Variants in UNC79 observed in about 807,000 individuals in gnomAD.
The protein encoded by UNC79 is unc-79 subunit of NALCN channel complex.
UNC79 carries 37 observed loss-of-function variants against 283.1 expected under a neutral mutation model. That is an observed-to-expected ratio of 0.13 (90% CI 0.10 to 0.17). The LOEUF (loss-of-function observed/expected upper bound fraction) is 0.17, where lower values mean the gene tolerates loss of function less well. Among genes scored for constraint, UNC79 ranks in the 10% least tolerant of loss-of-function variants. The pLI is 1.00. For synonymous variants in UNC79, 1,107 were observed against 1,200.2 expected, an observed-to-expected ratio of 0.92 and a Z score of 1.61; for missense variants, 2,272 against 3,211.1, an observed-to-expected ratio of 0.71 and a Z score of 7.07.
chr14:93,336,045 C>T (rs964016388), intron 1 of UNC79, among the ~76,000 whole-genome samples: 2 of 152,190 alleles, frequency 1.3e-5, no homozygotes, highest in East Asian at 3.9e-4. Context: ...ATTCCATGGT[C>T]TGTCACTCCA....
At chr14:93,425,087 G>T (rs568123073) in intron 1 of UNC79, among the ~76,000 whole-genome samples, 30 of 152,278 alleles carry the variant, frequency 2.0e-4, no homozygotes, top group Admixed American at 1.2e-3. Context: ...CTGAGACTGG[G>T]TAATTTATAA....
At chr14:93,369,763 C>A (rs2054405897) in intron 1 of UNC79, among the ~76,000 whole-genome samples, 2 of 152,162 alleles carry the variant, frequency 1.3e-5, no homozygotes, top group Admixed American at 1.3e-4. Flanking sequence ...GAAAAGGAAC[C>A]ATTTTGAAAT....
In UNC79 at chr14:93,470,668, G is replaced by T. The variant is rs2057454294; in HGVS notation, c.143+2877G>T. ...TTACTTAATCTAGTGGTGACCTGGG[G>T]TCTGGTAAAGTTACATCTGAGTGCC... On this transcript the variant is annotated intron_variant, in intron 2 of 48. Transcript: ENST00000555664. Among the ~76,000 whole-genome samples the T allele has an allele frequency of 2.0e-5, 3 of 152,266 alleles. No individual in the cohort carries two copies. The South Asian group carries it at 6.2e-4, about 32-fold the overall frequency.
At chr14:93,639,910 G>A (rs2068863530) in intron 32 of UNC79, among the ~76,000 whole-genome samples, 2 of 152,140 alleles carry the variant, frequency 1.3e-5, no homozygotes, top group African/African-American at 4.8e-5. Flanking sequence ...AGGTCATACC[G>A]GGTTTTTGTT....
chr14:93,585,716 C>T (rs557432017), intron 20 of UNC79, among the ~76,000 whole-genome samples: 1 of 152,048 alleles, frequency 6.6e-6, no homozygotes, highest in East Asian at 1.9e-4. Flanking sequence ...ATTGATGCCC[C>T]CAGTATGGGG....
chr14:93,458,505 G>GA (rs1244076316), intron 1 of UNC79, among the ~76,000 whole-genome samples: 5 of 151,940 alleles, frequency 3.3e-5, no homozygotes, highest in African/African-American at 9.7e-5. Context: ...CAATTTGCAG[G>GA]AAAAAAATGA....
chr14:93,383,871 G>A (rs1034249904), intron 1 of UNC79, among the ~76,000 whole-genome samples: 2 of 149,154 alleles, frequency 1.3e-5, no homozygotes, highest in Admixed American at 1.3e-4. Flanking sequence ...TGAGTCTCAT[G>A]AGATCTGATG....
chr14:93,538,327 C>G, intron 12 of UNC79, 109 bp downstream of exon 12: 1 of 1,106,744 alleles, frequency 9.0e-7, no homozygotes, highest in Non-Finnish European at 1.2e-6. Context: ...GCCCTTAGCC[C>G]AGATGCTCAC....
intron 16 of UNC79, among the ~76,000 whole-genome samples, chr14:93,573,044 T>G (rs1305139811): frequency 6.6e-6 from 1 of 152,222 alleles, no homozygotes; most frequent in African/African-American, 2.4e-5. Context: ...TATTACTGAA[T>G]TCTTAGTAGC....
intron 39 of UNC79, among the ~76,000 whole-genome samples, chr14:93,660,563 A>ATATATATGTG (rs1203621990): frequency 2.9e-4 from 19 of 64,774 alleles, no homozygotes; most frequent in South Asian, 1.1e-3. Context: ...ATATATATAT[A>ATATATATGTG]TGTGTGTGTG....
chr14:93,596,232 A>G (rs762892627), intron 23 of UNC79, among the ~76,000 whole-genome samples: 5 of 152,244 alleles, frequency 3.3e-5, no homozygotes, highest in Admixed American at 2.6e-4. Context: ...AATGAGTAGT[A>G]CTTTTACAGG....
At chr14:93,572,898 G>C in intron 16 of UNC79, 82 bp downstream of exon 16, 1 of 1,540,438 alleles carries the variant, frequency 6.5e-7, no homozygotes, top group Non-Finnish European at 8.7e-7. Context: ...GAGAGTGGGA[G>C]TTATAGCAAA....
intron 1 of UNC79, among the ~76,000 whole-genome samples, chr14:93,459,229 C>T (rs1043464174): frequency 5.3e-5 from 8 of 152,164 alleles, no homozygotes; most frequent in Non-Finnish European, 1.2e-4. Context: ...TGACCTTGGC[C>T]TCCCAAAGTG....
chr14:93,679,443 G>A (rs1301509761), intron 41 of UNC79, among the ~76,000 whole-genome samples: 2 of 140,716 alleles, frequency 1.4e-5, no homozygotes, highest in Non-Finnish European at 3.2e-5. Context: ...TGGCAACAGA[G>A]CGAGATTCCA....
chr14:93,628,403 T>C (rs1273810701), intron 30 of UNC79, among the ~76,000 whole-genome samples: 1 of 152,212 alleles, frequency 6.6e-6, no homozygotes. Context: ...AATTCTTTGA[T>C]CCAACACCAG....
rs183724137 is a variant in UNC79, at chr14:93,617,458, A to G, written c.4224+154A>G. Among the ~76,000 whole-genome samples, 4 of 152,342 alleles carry G rather than the reference A, an allele frequency of 2.6e-5. No homozygotes were observed. On this transcript the variant is annotated intron_variant, in intron 28 of 48. Coordinates refer to ENST00000555664, the Ensembl canonical transcript of UNC79. The surrounding 1 kb of genome is among the most constrained non-coding windows in gnomAD (Gnocchi z 4.5). ...ATGCAATTACTGTTAAGAACCAAAGAGCTATTGAAATGAAAATAGAAATGG... is the reference window on the plus strand; with the variant it reads ...ATGCAATTACTGTTAAGAACCAAAGGGCTATTGAAATGAAAATAGAAATGG...
intron 1 of UNC79, among the ~76,000 whole-genome samples, chr14:93,369,198 G>A (rs553954564): frequency 5.3e-5 from 8 of 151,352 alleles, no homozygotes; most frequent in Non-Finnish European, 8.8e-5. Flanking sequence ...AATACATTAG[G>A]TAGGAATGTG....
chr14:93,579,539 T>C (rs992851695), intron 18 of UNC79, among the ~76,000 whole-genome samples: 1 of 152,248 alleles, frequency 6.6e-6, no homozygotes, highest in Non-Finnish European at 1.5e-5. Flanking sequence ...CATGGATTTT[T>C]ATGTTATTTG....
chr14:93,572,942 G>C, intron 16 of UNC79, 126 bp downstream of exon 16: 1 of 1,248,340 alleles, frequency 8.0e-7, no homozygotes, highest in Non-Finnish European at 1.1e-6. Flanking sequence ...CCAAGAAAGT[G>C]TATCTCCTAT....
Sources: allele counts gnomAD v4.1 joint callset (sites outside exome capture counted in the v4.1 genomes callset), GRCh38; gene constraint gnomAD v4.1.1; non-coding constraint Gnocchi (gnomAD v3.1); transcripts MANE v1.5; gene names NCBI Gene and HGNC (gene_info 2026-07-23, HGNC 2026-07-21).